PRKN: variants seen among roughly 807,000 people sequenced by gnomAD.
PRKN encodes parkin RBR E3 ubiquitin protein ligase, also known as E3 ubiquitin-protein ligase parkin.
Under a neutral mutation model 59.5 loss-of-function variants are expected in PRKN, and 56 were observed. The ratio of observed to expected loss-of-function variants is 0.94; its 90% confidence interval spans 0.76 to 1.18. The LOEUF is 1.18. Among genes scored for constraint, PRKN ranks in the 50% most tolerant of loss-of-function variants. The pLI is 0.00. For synonymous variants in PRKN, 250 were observed against 222.1 expected, an observed-to-expected ratio of 1.13 and a Z score of -1.12; for missense variants, 657 against 596.4, an observed-to-expected ratio of 1.10 and a Z score of -1.06.
intron 6 of PRKN, among the ~76,000 whole-genome samples, chr6:161,908,432 C>T (rs554405347): frequency 6.2e-4 from 94 of 152,246 alleles, no homozygotes; most frequent in African/African-American, 2.2e-3. Context: ...ATTTTCTGAA[C>T]CTCCTGGAAT....
At chr6:162,187,952 C>T (rs1177945053) in intron 4 of PRKN, among the ~76,000 whole-genome samples, 3 of 152,158 alleles carry the variant, frequency 2.0e-5, no homozygotes, top group Admixed American at 6.5e-5. Flanking sequence ...ACAATTCCCA[C>T]GTCATAAGAG....
Position 161,413,625 on chromosome 6 carries a change from G to A in PRKN, c.1084-26748C>T, listed in dbSNP as rs2115010532. ...GTGTTGGCATGAGATGAAGCTCACAGAGGCATGGGCTGCACCGGGTCCCAG... is the reference window on the plus strand; with the variant it reads ...GTGTTGGCATGAGATGAAGCTCACAAAGGCATGGGCTGCACCGGGTCCCAG... On this transcript the variant is annotated intron_variant, in intron 9 of 11. Coordinates refer to ENST00000366898, the MANE Select transcript of PRKN (RefSeq NM_004562.3). This position sits in a 1 kb window ranked among gnomAD's most constrained non-coding sequence, Gnocchi z 4.4. 6.6e-6 allele frequency among the ~76,000 whole-genome samples: 1 copy of A among 152,260 alleles called. No homozygotes were observed. Among genetic ancestry groups the A allele is most frequent in the South Asian group, 2.1e-4 (1 of 4,828 alleles).
chr6:161,560,223 T>G lies in PRKN; in HGVS notation c.933+9132A>C, dbSNP rs573205950. ...AACTAACTGCCCTGTATAATCAGCC[T>G]TTTGAAAGGTTTCCCTGTCCACACT... On this transcript the variant is annotated intron_variant, in intron 8 of 11. Coordinates refer to ENST00000366898, the MANE Select transcript of PRKN (RefSeq NM_004562.3). The surrounding 1 kb of genome is among the most constrained non-coding windows in gnomAD (Gnocchi z 4.9). Among the ~76,000 whole-genome samples the G allele has an allele frequency of 6.6e-6, 1 of 152,332 alleles. No individual in the cohort carries two copies. The highest frequency in any genetic ancestry group is 1.5e-5 in the Non-Finnish European group (1 of 68,030).
At chr6:161,957,423 TGTTTGTTTGTTTG>T (rs1562418239) in intron 6 of PRKN, among the ~76,000 whole-genome samples, 15 of 136,180 alleles carry the variant, frequency 1.1e-4, no homozygotes, top group African/African-American at 4.8e-4. Flanking sequence ...TTTTTTTGTT[TGTTTGTTTGTTTG>T]TTTTTTTGAG....
intron 1 of PRKN, among the ~76,000 whole-genome samples, chr6:162,518,543 T>C (rs1583711232): frequency 6.6e-6 from 1 of 152,090 alleles, no homozygotes; most frequent in South Asian, 2.1e-4. Context: ...ATTTTTGTTT[T>C]TGTAGTAGAG....
At chr6:161,992,211 G>A (rs953074323) in intron 5 of PRKN, among the ~76,000 whole-genome samples, 19 of 151,970 alleles carry the variant, frequency 1.3e-4, no homozygotes, top group Middle Eastern at 3.4e-3. Context: ...GGGTGGTGGC[G>A]CACCTGTAAT....
chr6:161,491,126 T>C (rs1367912823), intron 9 of PRKN, among the ~76,000 whole-genome samples: 1 of 152,230 alleles, frequency 6.6e-6, no homozygotes, highest in African/African-American at 2.4e-5. Context: ...CAGATACCAT[T>C]GCCTGTGTTC....
At chr6:162,196,570 T>G (rs1583183328) in intron 4 of PRKN, among the ~76,000 whole-genome samples, 1 of 152,128 alleles carries the variant, frequency 6.6e-6, no homozygotes, top group East Asian at 1.9e-4. Flanking sequence ...TTCTAAAGGA[T>G]TATAGTCTAG....
At position 161,454,328 on chromosome 6, in the gene PRKN, T is replaced by A. The variant is rs1789872673; in HGVS notation, c.1084-67451A>T. ...AAGACCTCAGGCTCACGTTATTAGA[T>A]CCTTGGGTAATTCTCCATACTCTGA... On this transcript the variant is annotated intron_variant, in intron 9 of 11. Transcript: ENST00000366898. The surrounding 1 kb of genome is among the most constrained non-coding windows in gnomAD (Gnocchi z 4.6). Among the ~76,000 whole-genome samples the A allele has an allele frequency of 1.3e-5, 2 of 152,120 alleles. No homozygotes were observed. Among genetic ancestry groups the A allele is most frequent in the Non-Finnish European group, 2.9e-5 (2 of 68,030 alleles).
intron 6 of PRKN, among the ~76,000 whole-genome samples, chr6:161,850,449 G>A (rs925123076): frequency 7.2e-5 from 11 of 151,764 alleles, no homozygotes; most frequent in Non-Finnish European, 1.3e-4. Flanking sequence ...GTGGTGGCGC[G>A]GCTGTAGTCC....
intron 6 of PRKN, among the ~76,000 whole-genome samples, chr6:161,881,186 G>A (rs538106842): frequency 5.3e-5 from 8 of 152,284 alleles, no homozygotes; most frequent in Admixed American, 5.2e-4. Context: ...ACAGATGTTG[G>A]AGGGACACAT....
rs745385578 is a variant in PRKN, at chr6:161,887,343, G to A, written c.734+85959C>T. Among the ~76,000 whole-genome samples, 74 of 152,298 alleles carry A rather than the reference G, an allele frequency of 4.9e-4. No homozygotes were observed. The Middle Eastern group carries it at 0.01, about 21-fold the overall frequency. Reference sequence around the variant, plus strand: ...GAAATTAAAGCCAGAAGTAAAAAGTGCTACAAGTGTTACTGATGTAGTTAA... The same window carrying A: ...GAAATTAAAGCCAGAAGTAAAAAGTACTACAAGTGTTACTGATGTAGTTAA... On this transcript the variant is annotated intron_variant, in intron 6 of 11. Coordinates refer to ENST00000366898, the MANE Select transcript of PRKN (RefSeq NM_004562.3).
chr6:162,010,363 T>C (rs1475320941), intron 5 of PRKN, among the ~76,000 whole-genome samples: 1 of 119,742 alleles, frequency 8.4e-6, no homozygotes, highest in East Asian at 2.2e-4. Flanking sequence ...TTATTATATG[T>C]AATATACATT....
chr6:161,965,590 C>T (rs1454892297), intron 6 of PRKN, among the ~76,000 whole-genome samples: 1 of 152,038 alleles, frequency 6.6e-6, no homozygotes. Context: ...GTCCATGACA[C>T]AGCCCTCAGG....
intron 6 of PRKN, among the ~76,000 whole-genome samples, chr6:161,850,007 A>G (rs1341220577): frequency 6.6e-6 from 1 of 152,034 alleles, no homozygotes; most frequent in African/African-American, 2.4e-5. Context: ...AGCAGCCAAT[A>G]TACATTTACT....
intron 9 of PRKN, among the ~76,000 whole-genome samples, chr6:161,438,939 C>T (rs2115078666): frequency 6.6e-6 from 1 of 152,026 alleles, no homozygotes; most frequent in South Asian, 2.1e-4. Flanking sequence ...TGTATGTTCT[C>T]AGCACTGCAG....
intron 2 of PRKN, among the ~76,000 whole-genome samples, chr6:162,388,101 G>A (rs895049016): frequency 3.9e-5 from 6 of 152,170 alleles, no homozygotes; most frequent in Non-Finnish European, 8.8e-5. Flanking sequence ...TTAGGAGAAG[G>A]CTGAATTCAT....
At chr6:161,542,252 G>A (rs1301645023) in intron 9 of PRKN, among the ~76,000 whole-genome samples, 1 of 151,974 alleles carries the variant, frequency 6.6e-6, no homozygotes, top group Non-Finnish European at 1.5e-5. Context: ...TTATATTATT[G>A]ACAAGGCTTC....
intron 2 of PRKN, among the ~76,000 whole-genome samples, chr6:162,407,797 G>A (rs9364654): frequency 0.11 from 16,068 of 152,002 alleles, 1,071 homozygotes; most frequent in African/African-American, 0.19. Flanking sequence ...GGAAAAAAAC[G>A]ACTGATGTGT....
Sources: allele counts gnomAD v4.1 joint callset (sites outside exome capture counted in the v4.1 genomes callset), GRCh38; gene constraint gnomAD v4.1.1; non-coding constraint Gnocchi (gnomAD v3.1); transcripts MANE v1.5; gene names NCBI Gene and HGNC (gene_info 2026-07-23, HGNC 2026-07-21).